ADGRE2: variants seen among roughly 807,000 people sequenced by gnomAD.
ADGRE2 encodes the protein adhesion G protein-coupled receptor E2.
Under a neutral mutation model 100.8 loss-of-function variants are expected in ADGRE2, and 83 were observed. That is an observed-to-expected ratio of 0.82 (90% CI 0.69 to 0.99). The LOEUF is 0.99. ADGRE2 is among the 50% of genes least tolerant of loss of function. ADGRE2 has a pLI of 0.00. For missense variants in ADGRE2, 814 were observed against 1,035.7 expected (o/e 0.79, Z 2.94); for synonymous variants, 355 against 413.0 (o/e 0.86, Z 1.70).
At chr19:14,772,312 T>C (rs201026627) in intron 5 of ADGRE2, 30 bp downstream of exon 5, 2 of 1,613,680 alleles carry the variant, frequency 1.2e-6, no homozygotes, top group East Asian at 2.2e-5. Context: ...TCATGGACAG[T>C]GGTGATGGAG....
intron 20 of ADGRE2, among the ~76,000 whole-genome samples, chr19:14,736,615 TATAG>T (rs1352563283): frequency 6.8e-6 from 1 of 147,804 alleles, no homozygotes; most frequent in Non-Finnish European, 1.5e-5. Flanking sequence ...TTTAGAAGTA[TATAG>T]ATATTTAGAA....
intron 20 of ADGRE2, chr19:14,741,950 G>A: frequency 2.5e-6 from 1 of 398,520 alleles, no homozygotes; most frequent in Non-Finnish European, 4.4e-6. Context: ...AGTCATCAAT[G>A]TCATGAATTA....
Position 14,752,351 on chromosome 19 carries a change from G to C in ADGRE2, c.1766C>G (p.Ala589Gly), listed in dbSNP as rs758937302. The stretch of plus-strand genomic sequence containing the variant: ...TACCTTGTGTCCGGTTTGATCAATT[G>C]CCACGAGGAAGAGGAGGTGGGCCAG... ...LFLAHLLFLV[A>G]IDQTGHKVLC... Residue 589 changes from alanine (A) to glycine (G), a missense_variant, in exon 15 of 21, where the codon GCA (alanine) becomes GGA (glycine). This residue lies in a region of ADGRE2 where 569 missense variants were observed against 692.7 expected (regional missense o/e 0.82). Coordinates refer to ENST00000315576, the MANE Select transcript of ADGRE2 (RefSeq NM_013447.4). 34 of 1,613,774 alleles carry C rather than the reference G, an allele frequency of 2.1e-5. No individual in the cohort carries two copies. Among genetic ancestry groups the C allele is most frequent in the Non-Finnish European group, 2.8e-5 (33 of 1,179,834 alleles).
intron 20 of ADGRE2, among the ~76,000 whole-genome samples, chr19:14,738,974 T>C (rs1293782111): frequency 1.3e-4 from 20 of 149,282 alleles, no homozygotes; most frequent in East Asian, 1.9e-4. Context: ...CTTTTCTTTT[T>C]TTTTTTTTTT....
chr19:14,754,190 C>T (rs149796707), intron 14 of ADGRE2, among the ~76,000 whole-genome samples: 3,532 of 152,122 alleles, frequency 0.023, 64 homozygotes, highest in East Asian at 0.085. Flanking sequence ...TTCTGGGACT[C>T]GGACTGGCTC....
At chr19:14,775,229 T>A (rs2044392342) in intron 2 of ADGRE2, among the ~76,000 whole-genome samples, 1 of 152,054 alleles carries the variant, frequency 6.6e-6, no homozygotes. Flanking sequence ...GGTCTTGAAC[T>A]CCTAACCTCA....
At chr19:14,754,880 A>G (rs199822123) in intron 14 of ADGRE2, 74 bp downstream of exon 14, 3 of 1,522,432 alleles carry the variant, frequency 2.0e-6, no homozygotes, top group Non-Finnish European at 2.7e-6. Flanking sequence ...ATATTTTTTT[A>G]AAAGGCTGCT....
rs2043936559 is a variant in ADGRE2, at chr19:14,765,658, C to G, written c.781G>C (p.Asp261His). 2 of 1,613,930 alleles carry G rather than the reference C, an allele frequency of 1.2e-6. No individual in the cohort carries two copies. The highest frequency in any genetic ancestry group is 1.7e-6 in the Non-Finnish European group (2 of 1,179,822). ...PNNQKDTVCE[D>H]MTFSTWTPPP... Reference sequence around the variant, plus strand: ...GGGAGCTTCTAGGGCCAGGTCATACCTTCACAGACAGTGTCCTTTTGGTTA... The same window carrying G: ...GGGAGCTTCTAGGGCCAGGTCATACGTTCACAGACAGTGTCCTTTTGGTTA... Residue 261 changes from aspartate to histidine, a missense_variant and splice_region_variant, in exon 8 of 21, where the codon GAT (aspartate) becomes CAT (histidine). Coordinates refer to ENST00000315576, the MANE Select transcript of ADGRE2 (RefSeq NM_013447.4).
intron 16 of ADGRE2, among the ~76,000 whole-genome samples, chr19:14,750,818 A>G (rs1217531002): frequency 6.6e-6 from 1 of 152,020 alleles, no homozygotes; most frequent in Non-Finnish European, 1.5e-5. Flanking sequence ...CCTAACTATT[A>G]TTATTATTTT....
intron 10 of ADGRE2, among the ~76,000 whole-genome samples, chr19:14,764,819 C>A (rs371637616): frequency 6.6e-6 from 1 of 152,172 alleles, no homozygotes; most frequent in Admixed American, 6.5e-5. Context: ...GAGATCGAGA[C>A]CATCCTGGCC....
chr19:14,764,854 TA>T (rs1160090842), intron 10 of ADGRE2, among the ~76,000 whole-genome samples: 1 of 152,050 alleles, frequency 6.6e-6, no homozygotes, highest in Non-Finnish European at 1.5e-5. Context: ...CCGTCTCTAC[TA>T]AAAATACAAA....
Position 14,755,016 on chromosome 19 carries a change from T to A in ADGRE2, c.1528A>T (p.Thr510Ser). The A allele has an allele frequency of 6.2e-7, 1 of 1,614,104 alleles. No individual in the cohort carries two copies. Among genetic ancestry groups the A allele is most frequent in the Non-Finnish European group, 8.5e-7 (1 of 1,180,022 alleles). Residue 510 changes from threonine (T) to serine (S), a missense_variant, in exon 14 of 21, where the codon ACC becomes TCC. Coordinates refer to ENST00000315576, the MANE Select transcript of ADGRE2 (RefSeq NM_013447.4). The stretch of plus-strand genomic sequence containing the variant: ...CTCAGGTGGGTGCAACGGCAGATGG[T>A]GCTGGTGTCTCTGGTGCCTATTGTG... ...CSTIGTRDTS[T>S]ICRCTHLSSF...
intron 1 of ADGRE2, 127 bp from the exon 2 acceptor site, chr19:14,777,054 A>C (rs1182803445): frequency 8.0e-7 from 1 of 1,243,472 alleles, no homozygotes; most frequent in South Asian, 1.9e-5. Flanking sequence ...AACCTGCTTT[A>C]AAAATCCCTC....
At chr19:14,768,137 G>T (rs138086950) in intron 5 of ADGRE2, among the ~76,000 whole-genome samples, 1 of 152,188 alleles carries the variant, frequency 6.6e-6, no homozygotes, top group Non-Finnish European at 1.5e-5. Context: ...TCAGAATCCC[G>T]GTGGCCCTAG....
At chr19:14,766,929 C>T in intron 6 of ADGRE2, 49 bp downstream of exon 6, 1 of 1,579,952 alleles carries the variant, frequency 6.3e-7, no homozygotes, top group South Asian at 1.1e-5. Flanking sequence ...TGACTCAGCT[C>T]CATCCCCAGC....
intron 16 of ADGRE2, among the ~76,000 whole-genome samples, chr19:14,748,380 C>T (rs890780990): frequency 2.4e-4 from 37 of 152,124 alleles, no homozygotes; most frequent in African/African-American, 4.8e-5. Context: ...GCCATCTTGG[C>T]TCACTGCAAA....
chr19:14,760,397 G>A (rs2043674247), intron 11 of ADGRE2, among the ~76,000 whole-genome samples: 1 of 152,156 alleles, frequency 6.6e-6, no homozygotes, highest in African/African-American at 2.4e-5. Context: ...TTTGCTGAAG[G>A]TGTGGAGAGG....
intron 5 of ADGRE2, among the ~76,000 whole-genome samples, chr19:14,771,478 T>C (rs2044205169): frequency 1.3e-5 from 2 of 152,084 alleles, no homozygotes; most frequent in Admixed American, 6.6e-5. Flanking sequence ...TGGCTTCTCA[T>C]GGGCTGGAGC....
intron 11 of ADGRE2, among the ~76,000 whole-genome samples, chr19:14,757,573 C>T: frequency 6.6e-6 from 1 of 152,122 alleles, no homozygotes; most frequent in East Asian, 1.9e-4. Context: ...AGTTGATTCT[C>T]AACAAGGGGT....
Sources: gnomAD v4.1 joint callset for allele counts (sites outside exome capture counted in the v4.1 genomes callset) on GRCh38, gnomAD v4.1.1 for gene constraint, gnomAD v4.1.1 regional missense constraint, MANE v1.5 for transcripts, NCBI Gene and HGNC (gene_info 2026-07-23, HGNC 2026-07-21) for gene names.